TELO2: variants seen among roughly 807,000 people sequenced by gnomAD.
TELO2 encodes telomere maintenance 2.
In TELO2, 71 loss-of-function variants were observed where a neutral mutation model predicts 91.0. That is an observed-to-expected ratio of 0.78 (90% confidence interval 0.64 to 0.95). The LOEUF (loss-of-function observed/expected upper bound fraction) is 0.95, where lower values mean the gene tolerates loss of function less well. Among genes scored for constraint, TELO2 ranks in the 40% least tolerant of loss-of-function variants. The pLI is 0.00. For synonymous variants in TELO2, 584 were observed against 518.9 expected (o/e 1.13, Z -1.71); for missense variants, 1,183 against 1,141.3 (o/e 1.04, Z -0.53).
Position 1,502,775 on chromosome 16 carries a change from C to T in TELO2, c.1770+14C>T, listed in dbSNP as rs752335323. On this transcript the variant is annotated intron_variant, in intron 14 of 20. Coordinates refer to ENST00000262319, the MANE Select transcript of TELO2 (RefSeq NM_016111.4). Reference sequence around the variant, plus strand: ...GACCCGGCCCCGGTGAGTTCCCGCACCCGTGGCCCTGGCCAGTGCAGGCAC... The same window carrying T: ...GACCCGGCCCCGGTGAGTTCCCGCATCCGTGGCCCTGGCCAGTGCAGGCAC... 3 of 1,610,178 alleles carry T rather than the reference C, an allele frequency of 1.9e-6. No individual in the cohort carries two copies. Among genetic ancestry groups the T allele is most frequent in the Non-Finnish European group, 8.5e-7 (1 of 1,179,458 alleles).
At chr16:1,500,033 G>T in intron 6 of TELO2, 63 bp from the exon 7 acceptor site, 1 of 1,550,570 alleles carries the variant, frequency 6.4e-7, no homozygotes. Flanking sequence ...CTTGGCCTTG[G>T]GAGCCCCGGG....
At chr16:1,501,858 G>A (rs545627233) in intron 11 of TELO2, 85 bp downstream of exon 11, 17 of 1,477,698 alleles carry the variant, frequency 1.2e-5, no homozygotes, top group Admixed American at 5.6e-5. Flanking sequence ...CCCGTGGGGG[G>A]CTCCCTGCCT....
At chr16:1,496,279 C>T (rs972887960) in intron 3 of TELO2, among the ~76,000 whole-genome samples, 23 of 152,348 alleles carry the variant, frequency 1.5e-4, no homozygotes, top group South Asian at 2.1e-4. Context: ...TGGAGCAGCT[C>T]GGCGCCCCCT....
Position 1,501,429 on chromosome 16 carries a change from G to A in TELO2, c.1291G>A (p.Asp431Asn). 2 of 1,612,438 alleles carry A rather than the reference G, an allele frequency of 1.2e-6. No individual in the cohort carries two copies. Among genetic ancestry groups the A allele is most frequent in the Non-Finnish European group, 1.7e-6 (2 of 1,179,704 alleles). ...GPPLKFQYEE[D>N]ELSLELLALA... ...TGCTCCCCTGCTGTAGTACGAAGAGGATGAACTGAGCCTCGAGCTGCTGGC... is the reference window on the plus strand; with the variant it reads ...TGCTCCCCTGCTGTAGTACGAAGAGAATGAACTGAGCCTCGAGCTGCTGGC... Residue 431 changes from aspartate (D) to asparagine (N), a missense_variant, in exon 10 of 21, where the codon GAT (aspartate) becomes AAT (asparagine). Transcript: ENST00000262319.
intron 6 of TELO2, among the ~76,000 whole-genome samples, chr16:1,499,740 G>A (rs1007534726): frequency 4.6e-5 from 7 of 152,156 alleles, no homozygotes; most frequent in African/African-American, 7.2e-5. Context: ...TGGGTGAGCC[G>A]GGTCCCCTGA....
chr16:1,510,302 G>C lies in TELO2; in HGVS notation c.*366G>C, dbSNP rs117559520. The C allele has an allele frequency of 6.6e-6, 2 of 302,690 alleles. No homozygotes were observed. The highest frequency in any genetic ancestry group is 1.3e-5 in the Non-Finnish European group (2 of 157,982). 18.8% of individuals were successfully genotyped at this position (302,690 alleles called of 1,614,324 possible). A position where few individuals can be genotyped will look rare whatever the true frequency, so the allele number is the denominator to read the frequency against. On this transcript the variant is annotated 3_prime_UTR_variant, in exon 21 of 21. Coordinates refer to ENST00000262319, the MANE Select transcript of TELO2 (RefSeq NM_016111.4). ...CCTCTGAGAGCCACCAAGCAGGACA[G>C]AGCAGCTCTTGTCCCAGGTCCCTCG... is the stretch of plus-strand genomic sequence containing the variant.
chr16:1,499,370 C>A (rs766923402), intron 6 of TELO2, 37 bp downstream of exon 6: 5 of 1,593,646 alleles, frequency 3.1e-6, no homozygotes, highest in Non-Finnish European at 4.3e-6. Context: ...TGCTGGCTGC[C>A]CCATCACAGC....
At position 1,505,299 on chromosome 16, in the gene TELO2, C is replaced by T. The variant is rs1295703321; in HGVS notation, c.1843-111C>T. ...TCCTTGTTCCCAGAACACACCTTCT[C>T]CCAGGCTGGGCGGGCCCCCGGGCCC... On this transcript the variant is annotated intron_variant, in intron 15 of 20. Coordinates refer to ENST00000262319, the MANE Select transcript of TELO2 (RefSeq NM_016111.4). The surrounding 1 kb of genome is among the most constrained non-coding windows in gnomAD (Gnocchi z 4.3). 12 of 1,301,922 alleles carry T rather than the reference C, an allele frequency of 9.2e-6. No homozygotes were observed. In the East Asian group the frequency reaches 1.9e-4, roughly 21 times the overall value. The allele number at this position is 1,301,922 out of a possible 1,614,324, so 80.6% of individuals were successfully genotyped here. A position where few individuals can be genotyped will look rare whatever the true frequency, so the allele number is the denominator to read the frequency against.
At position 1,497,208 on chromosome 16, in the gene TELO2, G is replaced by A; in HGVS notation, c.682+104G>A. Reference sequence around the variant, plus strand: ...CCTCCTGACCCTGGCCCTCTGCAGGGTCCCCTTGCCCGGTCCTGTCCTGGG... The same window carrying A: ...CCTCCTGACCCTGGCCCTCTGCAGGATCCCCTTGCCCGGTCCTGTCCTGGG... On this transcript the variant is annotated intron_variant, in intron 4 of 20. Transcript: ENST00000262319. The surrounding 1 kb of genome is among the most constrained non-coding windows in gnomAD (Gnocchi z 4.0). The A allele has an allele frequency of 6.5e-7, 1 of 1,537,616 alleles. No homozygotes were observed. The highest frequency in any genetic ancestry group is 8.8e-7 in the Non-Finnish European group (1 of 1,133,856).
chr16:1,497,278 G>T lies in TELO2; in HGVS notation c.683-83G>T. On this transcript the variant is annotated intron_variant, in intron 4 of 20. Coordinates refer to ENST00000262319, the MANE Select transcript of TELO2 (RefSeq NM_016111.4). The surrounding 1 kb of genome is among the most constrained non-coding windows in gnomAD (Gnocchi z 4.0). ...AGCTGTGCTTACTGGGGAGCTGTGGGACTGTCCTTGCTGGACCCACACAGC... is the reference window on the plus strand; with the variant it reads ...AGCTGTGCTTACTGGGGAGCTGTGGTACTGTCCTTGCTGGACCCACACAGC... 5.4e-6 allele frequency: 8 copies of T among 1,493,198 alleles called. No individual in the cohort carries two copies. The highest frequency in any genetic ancestry group is 7.2e-6 in the Non-Finnish European group (8 of 1,114,834). 92.5% of individuals were successfully genotyped at this position (1,493,198 alleles called of 1,614,324 possible). A position where few individuals can be genotyped will look rare whatever the true frequency, so the allele number is the denominator to read the frequency against.
At chr16:1,499,844 A>G (rs1037125808) in intron 6 of TELO2, among the ~76,000 whole-genome samples, 41 of 152,280 alleles carry the variant, frequency 2.7e-4, no homozygotes, top group African/African-American at 9.6e-4. Flanking sequence ...GCTGCATCCT[A>G]CGTTTTTATA....
Position 1,507,677 on chromosome 16 carries a change from C to T in TELO2, c.2368C>T (p.Leu790=), listed in dbSNP as rs2039947968. 1.2e-6 allele frequency: 2 copies of T among 1,604,118 alleles called. No homozygotes were observed. The highest frequency in any genetic ancestry group is 1.3e-5 in the African/African-American group (1 of 75,008). Residue 790 remains leucine, a synonymous_variant, in exon 20 of 21, where the codon CTG becomes TTG. Transcript: ENST00000262319. ...GCCTGCTGCGCGCCTGCTGGAGGAC[C>T]TGATGGACGAGCTGCTGGAAGCCCG... ...SLPAARLLED[L]MDELLEARSW... is the part of the protein sequence containing the mutation.
Position 1,510,415 on chromosome 16 carries a change from C to A in TELO2, c.*479C>A. ...GATGGGCTCGTGGGGCGGGATGGGACAGGGCACGGGCTCTCAGAAAATAAA... is the reference window on the plus strand; with the variant it reads ...GATGGGCTCGTGGGGCGGGATGGGAAAGGGCACGGGCTCTCAGAAAATAAA... On this transcript the variant is annotated 3_prime_UTR_variant, in exon 21 of 21. Transcript: ENST00000262319. 4.5e-6 allele frequency: 1 copy of A among 224,168 alleles called. No individual in the cohort carries two copies. Among genetic ancestry groups the A allele is most frequent in the Non-Finnish European group, 9.0e-6 (1 of 111,378 alleles). 13.9% of individuals were successfully genotyped at this position (224,168 alleles called of 1,614,324 possible).
chr16:1,505,810 CATG>C lies in TELO2; in HGVS notation c.2034+212_2034+214del, dbSNP rs904931700. On this transcript the variant is annotated intron_variant, in intron 16 of 20. Transcript: ENST00000262319. This position sits in a 1 kb window ranked among gnomAD's most constrained non-coding sequence, Gnocchi z 4.3. ...AGGAGACCCAGACTGGGCTTGGGGACATGATAAGTGACAGGTGTCCTGGTGGTG... is the reference window on the plus strand; with the variant it reads ...AGGAGACCCAGACTGGGCTTGGGGACATAAGTGACAGGTGTCCTGGTGGTG... Among the ~76,000 whole-genome samples the C allele has an allele frequency of 6.6e-6, 1 of 152,342 alleles. No homozygotes were observed. The highest frequency in any genetic ancestry group is 2.1e-4 in the South Asian group (1 of 4,832).
intron 6 of TELO2, 25 bp downstream of exon 6, chr16:1,499,358 G>A (rs2039597225): frequency 6.2e-7 from 1 of 1,607,678 alleles, no homozygotes; most frequent in Non-Finnish European, 8.5e-7. Context: ...GAGGGTGCAG[G>A]CTGCTGGCTG....
In TELO2 at chr16:1,499,175, G is replaced by T. The variant is rs1419357279; in HGVS notation, c.831-56G>T. On this transcript the variant is annotated intron_variant, in intron 5 of 20. Coordinates refer to ENST00000262319, the MANE Select transcript of TELO2 (RefSeq NM_016111.4). ...TGTGGGCATCGGAGTTCACGCTCTCGCTCCTCCCTGTCTCCAGGCCGGCTT... is the reference window on the plus strand; with the variant it reads ...TGTGGGCATCGGAGTTCACGCTCTCTCTCCTCCCTGTCTCCAGGCCGGCTT... The T allele has an allele frequency of 3.2e-6, 5 of 1,586,260 alleles. No homozygotes were observed. In the East Asian group the frequency reaches 1.1e-4, roughly 35 times the overall value.
intron 2 of TELO2, 80 bp from the exon 3 acceptor site, chr16:1,495,266 G>A: frequency 4.1e-6 from 6 of 1,475,144 alleles, no homozygotes; most frequent in Admixed American, 2.3e-5. Context: ...CGTGTAATCC[G>A]GGCTGCTGGT....
intron 18 of TELO2, 41 bp downstream of exon 18, chr16:1,507,092 C>G: frequency 6.4e-7 from 1 of 1,561,338 alleles, no homozygotes. Flanking sequence ...CTGTGCTAAC[C>G]ATGGATCAGG....
chr16:1,500,715 C>T lies in TELO2; in HGVS notation c.1281+16C>T. 1 of 1,611,100 alleles carries T rather than the reference C, an allele frequency of 6.2e-7. No homozygotes were observed. The highest frequency in any genetic ancestry group is 8.5e-7 in the Non-Finnish European group (1 of 1,179,562). ...GAAATTCCAGGTGAGCGGGCCGTCCCCTCCGCGTCCCCGTGTGGCTGGCCC... is the reference window on the plus strand; with the variant it reads ...GAAATTCCAGGTGAGCGGGCCGTCCTCTCCGCGTCCCCGTGTGGCTGGCCC... On this transcript the variant is annotated intron_variant, in intron 9 of 20. Transcript: ENST00000262319.
Sources: gnomAD v4.1 joint callset for allele counts (sites outside exome capture counted in the v4.1 genomes callset) on GRCh38, gnomAD v4.1.1 for gene constraint, Gnocchi (gnomAD v3.1) non-coding constraint, MANE v1.5 for transcripts, NCBI Gene and HGNC (gene_info 2026-07-23, HGNC 2026-07-21) for gene names.